Variants in PCDH15 observed in about 807,000 individuals in gnomAD.
PCDH15 encodes protocadherin-15.
In PCDH15, 129 loss-of-function variants were observed where a neutral mutation model predicts 178.5. The observed-to-expected ratio is 0.72, with a 90% CI of 0.63 to 0.84. The LOEUF is 0.84. PCDH15 is among the 40% of genes least tolerant of loss of function. The probability of loss-of-function intolerance (pLI) is 0.00; values close to 1 mark genes in which losing one functional copy is unlikely to be tolerated. For synonymous variants in PCDH15, 800 were observed against 732.0 expected (o/e 1.09, Z -1.50); for missense variants, 2,230 against 2,099.9 (o/e 1.06, Z -1.21).
intron 2 of PCDH15, among the ~76,000 whole-genome samples, chr10:55,499,191 C>A (rs1840599669): frequency 6.6e-6 from 1 of 151,740 alleles, no homozygotes; most frequent in Admixed American, 6.6e-5. Context: ...AACCCAGACT[C>A]CTGACCTACA....
chr10:54,745,304 A>G (rs1020375987), intron 1 of PCDH15, among the ~76,000 whole-genome samples: 4 of 145,838 alleles, frequency 2.7e-5, no homozygotes, highest in Non-Finnish European at 5.9e-5. Flanking sequence ...TTGCTGATTG[A>G]CTTTAACTAT....
intron 2 of PCDH15, among the ~76,000 whole-genome samples, chr10:55,403,555 TA>T (rs1449758694): frequency 1.3e-5 from 2 of 151,948 alleles, no homozygotes; most frequent in African/African-American, 4.8e-5. Flanking sequence ...TGGTGAGAGA[TA>T]GGGGTCTAGC....
intron 3 of PCDH15, among the ~76,000 whole-genome samples, chr10:54,420,083 T>C (rs1955026562): frequency 6.6e-6 from 1 of 152,082 alleles, no homozygotes; most frequent in African/African-American, 2.4e-5. Context: ...TACATGGAAA[T>C]GTTGAGAAAT....
At chr10:55,066,658 T>C (rs1452994380) in intron 2 of PCDH15, among the ~76,000 whole-genome samples, 1 of 150,654 alleles carries the variant, frequency 6.6e-6, no homozygotes, top group Non-Finnish European at 1.5e-5. Flanking sequence ...TTGAGTTATG[T>C]TTCTAATTAG....
chr10:54,755,943 A>C (rs11004552), intron 1 of PCDH15, among the ~76,000 whole-genome samples: 52,985 of 151,502 alleles, frequency 0.35, 9,552 homozygotes, highest in Middle Eastern at 0.46. Flanking sequence ...CCATGAGACA[A>C]GGCGCGGTAG....
chr10:54,981,962 A>T lies in PCDH15; in HGVS notation c.-79-84462T>A, dbSNP rs76186360. Among the ~76,000 whole-genome samples, 493 of 150,746 alleles carry T rather than the reference A, an allele frequency of 3.3e-3. 3 individuals carry two copies. Among genetic ancestry groups the T allele is most frequent in the African/African-American group, 0.012 (481 of 41,032 alleles). On this transcript the variant is annotated intron_variant, in intron 2 of 5. Coordinates refer to the PCDH15 transcript ENST00000458638. The stretch of plus-strand genomic sequence containing the variant: ...TTTTTTTTTTTTCTTTATAGAAGAG[A>T]CTTCACTTTGTTGATTAGGCTCTTC...
At chr10:54,088,529 G>A (rs1321758234) in intron 16 of PCDH15, among the ~76,000 whole-genome samples, 1 of 152,000 alleles carries the variant, frequency 6.6e-6, no homozygotes, top group Non-Finnish European at 1.5e-5. Context: ...GGTGCTCCTT[G>A]AAATACATTT....
At chr10:54,514,786 A>G (rs2082045800) in intron 3 of PCDH15, among the ~76,000 whole-genome samples, 1 of 152,208 alleles carries the variant, frequency 6.6e-6, no homozygotes, top group South Asian at 2.1e-4. Flanking sequence ...TAAAACATTT[A>G]CTTAGCAAAA....
chr10:54,150,132 T>C (rs1055174548), intron 14 of PCDH15, among the ~76,000 whole-genome samples: 1 of 152,008 alleles, frequency 6.6e-6, no homozygotes, highest in African/African-American at 2.4e-5. Flanking sequence ...CAATAGGATA[T>C]GAGGTTAGAA....
intron 3 of PCDH15, among the ~76,000 whole-genome samples, chr10:54,813,083 C>A (rs969018228): frequency 6.6e-6 from 1 of 152,112 alleles, no homozygotes; most frequent in Non-Finnish European, 1.5e-5. Flanking sequence ...GTTTATTTTC[C>A]TGGATTGCCG....
chr10:55,234,791 C>T (rs1841329351), intron 1 of PCDH15, among the ~76,000 whole-genome samples: 1 of 151,936 alleles, frequency 6.6e-6, no homozygotes, highest in Admixed American at 6.6e-5. Flanking sequence ...ATGAAGTCCA[C>T]ATAATTTTAC....
At chr10:54,243,087 T>A (rs2055573013) in intron 8 of PCDH15, among the ~76,000 whole-genome samples, 1 of 152,210 alleles carries the variant, frequency 6.6e-6, no homozygotes, top group African/African-American at 2.4e-5. Context: ...CCTAAGTTAT[T>A]GAATTTATTA....
intron 2 of PCDH15, among the ~76,000 whole-genome samples, chr10:55,338,175 T>C (rs968491176): frequency 4.6e-5 from 7 of 152,072 alleles, no homozygotes; most frequent in African/African-American, 1.7e-4. Context: ...GAGGATGTGG[T>C]GAAAGGGGAA....
intron 8 of PCDH15, among the ~76,000 whole-genome samples, chr10:54,296,817 C>T (rs1032515234): frequency 6.6e-6 from 1 of 152,146 alleles, no homozygotes; most frequent in South Asian, 2.1e-4. Flanking sequence ...TCTTCCAACC[C>T]TGGAGATCTC....
intron 2 of PCDH15, among the ~76,000 whole-genome samples, chr10:55,520,316 CATGCAATGTGTATATATAT>C: frequency 2.7e-5 from 1 of 36,766 alleles, no homozygotes; most frequent in Non-Finnish European, 5.0e-5. Flanking sequence ...TATATATATA[CATGCAATGTGTATATATAT>C]ATATATATAT....
intron 2 of PCDH15, among the ~76,000 whole-genome samples, chr10:55,068,246 A>T (rs144908662): frequency 0.014 from 2,156 of 152,090 alleles, 56 homozygotes; most frequent in African/African-American, 0.049. Context: ...CTTATGTTTA[A>T]GTTTTTAATC....
At chr10:55,216,808 G>C (rs1408590730) in intron 1 of PCDH15, among the ~76,000 whole-genome samples, 1 of 151,788 alleles carries the variant, frequency 6.6e-6, no homozygotes, top group Non-Finnish European at 1.5e-5. Flanking sequence ...GAGAAATATA[G>C]AAGTCTGTTA....
intron 2 of PCDH15, among the ~76,000 whole-genome samples, chr10:55,069,115 A>C (rs1178648547): frequency 2.0e-5 from 3 of 150,250 alleles, no homozygotes; most frequent in Non-Finnish European, 4.4e-5. Context: ...CATATTGGCC[A>C]AGCTGGTCTC....
intron 2 of PCDH15, among the ~76,000 whole-genome samples, chr10:55,617,119 C>G (rs1397215902): frequency 2.0e-5 from 3 of 152,016 alleles, no homozygotes; most frequent in Non-Finnish European, 4.4e-5. Flanking sequence ...AACAAAACTT[C>G]AGGTATTTTT....
Sources: gnomAD v4.1 joint callset for allele counts (sites outside exome capture counted in the v4.1 genomes callset) on GRCh38, gnomAD v4.1.1 for gene constraint, MANE v1.5 for transcripts, NCBI Gene and HGNC (gene_info 2026-07-23, HGNC 2026-07-21) for gene names.